The following GSK3B variants were observed in gnomAD, a reference collection of about 807,000 sequenced individuals.
GSK3B encodes glycogen synthase kinase-3 beta.
GSK3B carries 15 observed loss-of-function variants against 56.4 expected under a neutral mutation model. The observed-to-expected ratio is 0.27, with a 90% CI of 0.18 to 0.41. The LOEUF (loss-of-function observed/expected upper bound fraction) is 0.41, where lower values mean the gene tolerates loss of function less well. Ranked by LOEUF, GSK3B falls within the 10% of genes least tolerant of loss-of-function variation. GSK3B has a pLI of 1.00. For synonymous variants in GSK3B, 181 were observed against 188.9 expected, an observed-to-expected ratio of 0.96 and a Z score of 0.34; for missense variants, 300 against 513.4, an observed-to-expected ratio of 0.58 and a Z score of 4.02.
At chr3:119,943,802 CAAG>C (rs897903344) in intron 3 of GSK3B, among the ~76,000 whole-genome samples, 2 of 149,010 alleles carry the variant, frequency 1.3e-5, no homozygotes, top group African/African-American at 2.5e-5. Context: ...AAGAGAGAGA[CAAG>C]AAAGAAAGAG....
At chr3:119,834,894 A>G (rs1406712584) in intron 10 of GSK3B, among the ~76,000 whole-genome samples, 1 of 152,212 alleles carries the variant, frequency 6.6e-6, no homozygotes, top group East Asian at 1.9e-4. Context: ...GATGTCTAGG[A>G]CTGCTCTGGT....
At chr3:120,010,713 C>A (rs915461138) in intron 1 of GSK3B, among the ~76,000 whole-genome samples, 1 of 152,194 alleles carries the variant, frequency 6.6e-6, no homozygotes, top group South Asian at 2.1e-4. Context: ...GCCAAGACTG[C>A]GCCACTGCAT....
intron 1 of GSK3B, among the ~76,000 whole-genome samples, chr3:120,049,010 C>T (rs1461369642): frequency 1.3e-5 from 2 of 152,146 alleles, no homozygotes; most frequent in East Asian, 3.8e-4. Context: ...AAGTTAGTAG[C>T]TAAGGCAAAT....
chr3:120,023,618 A>G (rs1261058584), intron 1 of GSK3B, among the ~76,000 whole-genome samples: 1 of 152,156 alleles, frequency 6.6e-6, no homozygotes, highest in Non-Finnish European at 1.5e-5. Flanking sequence ...AAATTTAATC[A>G]AGAAGAAAAA....
intron 3 of GSK3B, among the ~76,000 whole-genome samples, chr3:119,946,902 A>G (rs58299321): frequency 1.3e-5 from 2 of 151,958 alleles, no homozygotes; most frequent in Admixed American, 6.6e-5. Context: ...TATCAACTTC[A>G]CTTAACAAAA....
chr3:119,987,546 GTAAAGT>G (rs2107461520), intron 2 of GSK3B, among the ~76,000 whole-genome samples: 1 of 152,224 alleles, frequency 6.6e-6, no homozygotes, highest in South Asian at 2.1e-4. Context: ...AAACATATTG[GTAAAGT>G]TAAAGGGGTA....
intron 7 of GSK3B, among the ~76,000 whole-genome samples, chr3:119,905,471 A>G (rs951259078): frequency 6.6e-6 from 1 of 152,248 alleles, no homozygotes; most frequent in South Asian, 2.1e-4. Context: ...GTGAGCTTAT[A>G]GTCTAATTTT....
chr3:119,916,354 T>C (rs1308274735), intron 4 of GSK3B, among the ~76,000 whole-genome samples, 180 bp from the exon 5 acceptor site: 1 of 152,222 alleles, frequency 6.6e-6, no homozygotes, highest in Non-Finnish European at 1.5e-5. Flanking sequence ...TATTTCTATA[T>C]GAATTAGCTA....
At chr3:120,002,692 C>T (rs1158541882) in intron 1 of GSK3B, among the ~76,000 whole-genome samples, 1 of 152,160 alleles carries the variant, frequency 6.6e-6, no homozygotes, top group Non-Finnish European at 1.5e-5. Context: ...CATGTAATTA[C>T]TTCAATTACT....
intron 2 of GSK3B, among the ~76,000 whole-genome samples, chr3:119,951,443 T>C (rs1464142416): frequency 1.3e-5 from 2 of 152,130 alleles, no homozygotes; most frequent in Non-Finnish European, 2.9e-5. Flanking sequence ...TGGTGGCGCA[T>C]GCCTGTAATC....
At chr3:119,950,592 G>A (rs898417344) in intron 2 of GSK3B, among the ~76,000 whole-genome samples, 1 of 152,220 alleles carries the variant, frequency 6.6e-6, no homozygotes, top group South Asian at 2.1e-4. Flanking sequence ...TAAAGTGGGT[G>A]TAGGGGACAC....
Position 119,824,426 on chromosome 3 carries a change from CA to C in GSK3B, c.*2361del, listed in dbSNP as rs2107989427. The C allele has an allele frequency of 4.6e-6, 1 of 216,256 alleles. No homozygotes were observed. The highest frequency in any genetic ancestry group is 1.9e-4 in the South Asian group (1 of 5,392). 13.4% of individuals were successfully genotyped at this position (216,256 alleles called of 1,614,324 possible). On this transcript the variant is annotated 3_prime_UTR_variant, in exon 11 of 11. Coordinates refer to ENST00000264235, the MANE Select transcript of GSK3B (RefSeq NM_001146156.2). ...CTTCTTTTACCCCAGTTGTGGGGGG[CA>C]ACCTGTTTCCTAAAATAAGCACTGA...
chr3:119,936,356 T>TA (rs1559844164), intron 3 of GSK3B, among the ~76,000 whole-genome samples: 7 of 108,996 alleles, frequency 6.4e-5, no homozygotes, highest in African/African-American at 1.8e-4. Context: ...ATATATATAT[T>TA]TTTTTTTTGA....
chr3:119,913,532 G>A (rs1050508109), intron 5 of GSK3B, among the ~76,000 whole-genome samples: 29 of 151,418 alleles, frequency 1.9e-4, no homozygotes, highest in African/African-American at 6.8e-4. Flanking sequence ...TTGAGATGTC[G>A]CCCAAGATAA....
At chr3:119,847,052 T>C (rs1328387842) in intron 9 of GSK3B, among the ~76,000 whole-genome samples, 1 of 151,300 alleles carries the variant, frequency 6.6e-6, no homozygotes, top group Admixed American at 6.6e-5. Flanking sequence ...AAACCAAACA[T>C]GGCATGTTCT....
At chr3:119,848,304 G>C (rs2055883287) in intron 9 of GSK3B, among the ~76,000 whole-genome samples, 1 of 152,114 alleles carries the variant, frequency 6.6e-6, no homozygotes. Flanking sequence ...ATGTGTCACA[G>C]TTTGAAGGAA....
chr3:119,865,341 G>C (rs989182969), intron 8 of GSK3B, among the ~76,000 whole-genome samples: 1 of 148,796 alleles, frequency 6.7e-6, no homozygotes, highest in Non-Finnish European at 1.5e-5. Context: ...ATGTAGGATG[G>C]CTGGATGCTG....
intron 1 of GSK3B, among the ~76,000 whole-genome samples, chr3:120,034,222 T>C (rs2058002809): frequency 6.6e-6 from 1 of 152,246 alleles, no homozygotes; most frequent in Non-Finnish European, 1.5e-5. Flanking sequence ...TTATTTTTGA[T>C]AATGTTCAAG....
At chr3:119,900,655 A>T (rs888008046) in intron 7 of GSK3B, among the ~76,000 whole-genome samples, 8 of 152,256 alleles carry the variant, frequency 5.3e-5, no homozygotes, top group African/African-American at 1.9e-4. Context: ...ACTTACGAAA[A>T]CCAATACATC....
Sources: allele counts gnomAD v4.1 joint callset (sites outside exome capture counted in the v4.1 genomes callset), GRCh38; gene constraint gnomAD v4.1.1; transcripts MANE v1.5; gene names NCBI Gene and HGNC (gene_info 2026-07-23, HGNC 2026-07-21).